Variants in BAHCC1 observed in about 807,000 individuals in gnomAD.
BAHCC1 encodes the protein BAH domain and coiled-coil containing 1.
A neutral mutation model predicts 88.2 loss-of-function variants in BAHCC1; 43 were observed. That is an observed-to-expected ratio of 0.49 (90% CI 0.38 to 0.63). BAHCC1 has a LOEUF of 0.63. Among genes scored for constraint, BAHCC1 ranks in the 20% least tolerant of loss-of-function variants. BAHCC1 has a pLI of 0.00. For missense variants in BAHCC1, 3,023 were observed against 1,654.8 expected, an observed-to-expected ratio of 1.83 and a Z score of -14.34; for synonymous variants, 1,510 against 745.5, an observed-to-expected ratio of 2.03 and a Z score of -16.71.
chr17:81,411,891 C>T lies in BAHCC1; in HGVS notation c.178+11974C>T, dbSNP rs1404565245. 2.0e-5 allele frequency among the ~76,000 whole-genome samples: 3 copies of T among 152,234 alleles called. No individual in the cohort carries two copies. Among genetic ancestry groups the T allele is most frequent in the Admixed American group, 6.5e-5 (1 of 15,288 alleles). On this transcript the variant is annotated intron_variant, in intron 2 of 27. Transcript: ENST00000675386. The surrounding 1 kb of genome is among the most constrained non-coding windows in gnomAD (Gnocchi z 6.2). Reference sequence around the variant, plus strand: ...CTGGTCACTCTTCCCTCCAGCTCAGCGCTTACCATCGTATCCCTGCATCCG... The same window carrying T: ...CTGGTCACTCTTCCCTCCAGCTCAGTGCTTACCATCGTATCCCTGCATCCG...
chr17:81,420,714 C>T (rs1369910574), intron 2 of BAHCC1, among the ~76,000 whole-genome samples: 7 of 152,272 alleles, frequency 4.6e-5, no homozygotes, highest in East Asian at 1.9e-4. Flanking sequence ...CGGCCTGGGC[C>T]GGCTGGGCAG....
rs934256304 is a variant in BAHCC1, at chr17:81,445,298, G to A, written c.2836-56G>A. On this transcript the variant is annotated intron_variant, in intron 9 of 27. Transcript: ENST00000675386. ...CTGGCAGGATGAACCCAAGCAGGGG[G>A]CCCACTGGGGTCAGGGGATCCTGAG... 3 of 732,974 alleles carry A rather than the reference G, an allele frequency of 4.1e-6. No homozygotes were observed. The South Asian group carries it at 4.4e-5, about 11-fold the overall frequency. 45.4% of individuals were successfully genotyped at this position (732,974 alleles called of 1,614,324 possible).
chr17:81,458,551 C>T, intron 18 of BAHCC1, 70 bp from the exon 19 acceptor site: 4 of 687,156 alleles, frequency 5.8e-6, no homozygotes, highest in Non-Finnish European at 1.1e-5. Flanking sequence ...CACGCTGGCC[C>T]CTGAGCTCTG....
chr17:81,396,520 C>T (rs535488103), intron 1 of BAHCC1: 1 of 152,234 alleles, frequency 6.6e-6, no homozygotes, highest in African/African-American at 2.4e-5. Flanking sequence ...CGGCGACGGC[C>T]GAGCCACTCG....
intron 6 of BAHCC1, 178 bp downstream of exon 6, chr17:81,444,095 G>C (rs940615448): frequency 3.3e-6 from 2 of 607,700 alleles, no homozygotes; most frequent in Non-Finnish European, 5.9e-6. Context: ...CGGGGTTGGG[G>C]GTCTCAGTTA....
At chr17:81,438,902 C>T (rs570646697) in intron 4 of BAHCC1, among the ~76,000 whole-genome samples, 41 of 152,200 alleles carry the variant, frequency 2.7e-4, no homozygotes, top group Non-Finnish European at 5.9e-4. Flanking sequence ...CACAGAAGCC[C>T]GCACTTCCTG....
chr17:81,454,001 C>T (rs1022027724), intron 14 of BAHCC1, among the ~76,000 whole-genome samples: 4 of 152,246 alleles, frequency 2.6e-5, no homozygotes, highest in Non-Finnish European at 5.9e-5. Context: ...CATCCGGCCA[C>T]GCCAGGCCAG....
At chr17:81,423,448 C>T (rs1469488488) in intron 2 of BAHCC1, among the ~76,000 whole-genome samples, 2 of 151,996 alleles carry the variant, frequency 1.3e-5, no homozygotes, top group Non-Finnish European at 2.9e-5. Flanking sequence ...TTCACAAATT[C>T]CCCCTGCCTC....
At chr17:81,448,712 T>A (rs181423955) in intron 11 of BAHCC1, among the ~76,000 whole-genome samples, 1 of 152,168 alleles carries the variant, frequency 6.6e-6, no homozygotes, top group Non-Finnish European at 1.5e-5. Context: ...GTGGTCACCC[T>A]GTGCTGGATG....
intron 2 of BAHCC1, among the ~76,000 whole-genome samples, chr17:81,425,928 ATGATGTGATTGG>A (rs2064187470): frequency 9.1e-6 from 1 of 110,342 alleles, no homozygotes; most frequent in African/African-American, 3.6e-5. Context: ...TGGTTGGTGC[ATGATGTGATTGG>A]TGATGTGGTT....
At chr17:81,453,225 G>A (rs1229463244) in intron 14 of BAHCC1, among the ~76,000 whole-genome samples, 1 of 152,252 alleles carries the variant, frequency 6.6e-6, no homozygotes, top group Non-Finnish European at 1.5e-5. Context: ...AAAGTCGTTG[G>A]TCACGCTGTG....
At chr17:81,462,361 G>GTGTATCC (rs1555659757) in intron 26 of BAHCC1, among the ~76,000 whole-genome samples, 1 of 152,244 alleles carries the variant, frequency 6.6e-6, no homozygotes, top group African/African-American at 2.4e-5. Context: ...CTGGAGAGCT[G>GTGTATCC]TGTATCCCCG....
chr17:81,399,834 C>G lies in BAHCC1; in HGVS notation c.95C>G (p.Pro32Arg). ...GCCGCTGCCGCCGCGCGTCTCGCCCCGGCTGGGCCCGCCGCGCAGCCCCCC... is the reference window on the plus strand; with the variant it reads ...GCCGCTGCCGCCGCGCGTCTCGCCCGGGCTGGGCCCGCCGCGCAGCCCCCC... ...RSAAAAARLA[P>R]AGPAAQPPAH... The change falls in exon 2 of 28, where the codon CCG (proline) becomes CGG (arginine). Residue 32 changes from proline (P) to arginine (R), a missense_variant. By Grantham distance (103) the Pro-to-Arg change is moderately radical (BLOSUM62 -2). Transcript: ENST00000675386. This position sits in a 1 kb window ranked among gnomAD's most constrained non-coding sequence, Gnocchi z 4.5. The G allele has an allele frequency of 7.4e-7, 1 of 1,350,328 alleles. No homozygotes were observed. Among genetic ancestry groups the G allele is most frequent in the Non-Finnish European group, 9.5e-7 (1 of 1,051,372 alleles). The allele number at this position is 1,350,328 out of a possible 1,614,324, so 83.6% of individuals were successfully genotyped here.
chr17:81,449,817 G>A lies in BAHCC1; in HGVS notation c.3977-1851G>A, dbSNP rs192009387. ...GCATCTGCCCCTCCGAGCACCTCCT[G>A]GCTTCTTAGTAATGACTTCTGGGGA... is the stretch of plus-strand genomic sequence containing the variant. On this transcript the variant is annotated intron_variant, in intron 11 of 27. Transcript: ENST00000675386. Among the ~76,000 whole-genome samples the A allele has an allele frequency of 2.6e-5, 4 of 152,254 alleles. No individual in the cohort carries two copies. The East Asian group carries it at 7.7e-4, about 29-fold the overall frequency.
Position 81,461,227 on chromosome 17 carries a change from G to A in BAHCC1, c.6564G>A (p.Lys2188=). The change falls in exon 26 of 28, where the codon AAG becomes AAA. Residue 2188 remains lysine, a synonymous_variant. Transcript: ENST00000675386. ...RGAHKLLRAK[K]AERVEAEKGG... Reference sequence around the variant, plus strand: ...CCCACAAGCTGCTGCGGGCTAAGAAGGCCGAGAGGGTGGAGGCCGAGAAGG... The same window carrying A: ...CCCACAAGCTGCTGCGGGCTAAGAAAGCCGAGAGGGTGGAGGCCGAGAAGG... The A allele has an allele frequency of 1.4e-6, 1 of 716,922 alleles. No homozygotes were observed. The highest frequency in any genetic ancestry group is 2.6e-6 in the Non-Finnish European group (1 of 389,926). The allele number at this position is 716,922 out of a possible 1,614,324, so 44.4% of individuals were successfully genotyped here.
rs782395954 is a variant in BAHCC1 at position 81,411,657 on chromosome 17, C to A, written c.178+11740C>A. On this transcript the variant is annotated intron_variant, in intron 2 of 27. Coordinates refer to ENST00000675386, the MANE Select transcript of BAHCC1 (RefSeq NM_001377448.1). The surrounding 1 kb of genome is among the most constrained non-coding windows in gnomAD (Gnocchi z 6.2). Reference sequence around the variant, plus strand: ...GGGTGTGGGGTGGTCAGGTTTGGGGCATTCCAGACCTGAGGCCCTCCAGGC... The same window carrying A: ...GGGTGTGGGGTGGTCAGGTTTGGGGAATTCCAGACCTGAGGCCCTCCAGGC... The A allele has an allele frequency of 2.8e-6, 1 of 356,828 alleles. No homozygotes were observed. Among genetic ancestry groups the A allele is most frequent in the South Asian group, 2.1e-5 (1 of 47,942 alleles). 22.1% of individuals were successfully genotyped at this position (356,828 alleles called of 1,614,324 possible). A position where few individuals can be genotyped will look rare whatever the true frequency, so the allele number is the denominator to read the frequency against.
intron 2 of BAHCC1, among the ~76,000 whole-genome samples, chr17:81,403,137 A>G (rs1316504917): frequency 1.3e-5 from 2 of 151,952 alleles, no homozygotes; most frequent in Non-Finnish European, 2.9e-5. Flanking sequence ...CTCTGCTGGG[A>G]GTGTGTGTGT....
chr17:81,397,086 C>T (rs2063753310), intron 1 of BAHCC1: 1 of 152,258 alleles, frequency 6.6e-6, no homozygotes, highest in African/African-American at 2.4e-5. Context: ...CTGGCCGCCT[C>T]AGGCTCCCCA....
At chr17:81,458,771 C>A (rs1555658257) in intron 19 of BAHCC1, 42 bp from the exon 20 acceptor site, 1 of 752,068 alleles carries the variant, frequency 1.3e-6, no homozygotes, top group Non-Finnish European at 2.5e-6. Flanking sequence ...CCACCTGCAC[C>A]CCGCCTGCAC....
Sources: gnomAD v4.1 joint callset for allele counts (sites outside exome capture counted in the v4.1 genomes callset) on GRCh38, gnomAD v4.1.1 for gene constraint, Gnocchi (gnomAD v3.1) non-coding constraint, MANE v1.5 for transcripts, NCBI Gene and HGNC (gene_info 2026-07-23, HGNC 2026-07-21) for gene names.